The following UBE2E2 variants were observed in gnomAD, a reference collection of about 807,000 sequenced individuals.
UBE2E2 encodes the protein ubiquitin-conjugating enzyme E2 E2.
UBE2E2 carries 6 observed loss-of-function variants against 24.7 expected under a neutral mutation model. The ratio of observed to expected loss-of-function variants is 0.24; its 90% CI spans 0.13 to 0.48. The LOEUF (loss-of-function observed/expected upper bound fraction) is 0.48. Among genes scored for constraint, UBE2E2 ranks in the 20% least tolerant of loss-of-function variants. The probability of loss-of-function intolerance (pLI) is 0.99; values close to 1 mark genes in which losing one functional copy is unlikely to be tolerated. For missense variants in UBE2E2, 169 were observed against 245.0 expected, an observed-to-expected ratio of 0.69 and a Z score of 2.07; for synonymous variants, 104 against 83.6, an observed-to-expected ratio of 1.24 and a Z score of -1.33.
chr3:23,383,816 A>G (rs911294600), intron 3 of UBE2E2, among the ~76,000 whole-genome samples: 2 of 151,486 alleles, frequency 1.3e-5, no homozygotes, highest in Non-Finnish European at 2.9e-5. Flanking sequence ...ATTCTTTGTT[A>G]TTGTACCAAT....
chr3:23,464,732 T>A (rs1294290940), intron 3 of UBE2E2, among the ~76,000 whole-genome samples: 1 of 152,214 alleles, frequency 6.6e-6, no homozygotes, highest in African/African-American at 2.4e-5. Flanking sequence ...AATTATGGGA[T>A]AATTAAATAA....
At chr3:23,537,110 G>A (rs897649389) in intron 5 of UBE2E2, among the ~76,000 whole-genome samples, 37 of 152,280 alleles carry the variant, frequency 2.4e-4, no homozygotes, top group South Asian at 6.2e-4. Context: ...TAAGTGGTAC[G>A]TGATTTGGCT....
At chr3:23,450,653 AT>A (rs1698544470) in intron 3 of UBE2E2, among the ~76,000 whole-genome samples, 1 of 152,198 alleles carries the variant, frequency 6.6e-6, no homozygotes, top group Non-Finnish European at 1.5e-5. Context: ...AAGAAAATTT[AT>A]TTAATTTTAA....
chr3:23,366,108 A>C (rs923770326), intron 3 of UBE2E2, among the ~76,000 whole-genome samples: 2 of 152,208 alleles, frequency 1.3e-5, no homozygotes, highest in Non-Finnish European at 2.9e-5. Context: ...TCAAAACCAC[A>C]GTGAGATACC....
At chr3:23,298,245 T>G (rs1397053323) in intron 3 of UBE2E2, among the ~76,000 whole-genome samples, 1 of 152,188 alleles carries the variant, frequency 6.6e-6, no homozygotes, top group Non-Finnish European at 1.5e-5. Flanking sequence ...AGGGACAATT[T>G]GACTTCCTCT....
chr3:23,534,930 C>G (rs567530882), intron 5 of UBE2E2, among the ~76,000 whole-genome samples: 1 of 152,290 alleles, frequency 6.6e-6, no homozygotes, highest in African/African-American at 2.4e-5. Flanking sequence ...TTAAAAAATA[C>G]TTTCTCACTC....
At position 23,446,670 on chromosome 3, in the gene UBE2E2, G is replaced by A. The variant is rs139298476; in HGVS notation, c.228-52938G>A. Among the ~76,000 whole-genome samples, 331 of 144,784 alleles carry A rather than the reference G, an allele frequency of 2.3e-3. 3 individuals are homozygous for A. The highest frequency in any genetic ancestry group is 8.2e-3 in the African/African-American group (315 of 38,630). The allele number at this position is 144,784 out of a possible 152,430, so 95.0% of individuals were successfully genotyped here. ...CTACTGGGGATTCTACCAGTTTAAG[G>A]TTACAGTTATTCATTATCCGTCTGT... On this transcript the variant is annotated intron_variant, in intron 3 of 5. Coordinates refer to ENST00000396703, the MANE Select transcript of UBE2E2 (RefSeq NM_152653.4).
intron 3 of UBE2E2, among the ~76,000 whole-genome samples, chr3:23,462,656 A>C (rs778474): frequency 0.02 from 3,056 of 152,284 alleles, 34 homozygotes; most frequent in Non-Finnish European, 0.032. Context: ...GGCTGAAGAA[A>C]GGACCAGACC....
intron 3 of UBE2E2, among the ~76,000 whole-genome samples, chr3:23,344,021 A>G (rs1160253170): frequency 6.6e-6 from 1 of 152,216 alleles, no homozygotes; most frequent in African/African-American, 2.4e-5. Context: ...AAAACCAGAA[A>G]TATCAACTAA....
At chr3:23,444,816 A>G (rs1318779017) in intron 3 of UBE2E2, among the ~76,000 whole-genome samples, 1 of 152,206 alleles carries the variant, frequency 6.6e-6, no homozygotes, top group Admixed American at 6.5e-5. Flanking sequence ...TTTAGTTATA[A>G]GATGGGTACT....
intron 3 of UBE2E2, among the ~76,000 whole-genome samples, chr3:23,459,500 CATA>C (rs1698761178): frequency 6.6e-6 from 1 of 152,122 alleles, no homozygotes; most frequent in Non-Finnish European, 1.5e-5. Context: ...GTAACAGGAC[CATA>C]ATGTTTTTAC....
At chr3:23,455,401 A>G (rs980844661) in intron 3 of UBE2E2, among the ~76,000 whole-genome samples, 1 of 152,196 alleles carries the variant, frequency 6.6e-6, no homozygotes, top group Non-Finnish European at 1.5e-5. Flanking sequence ...TCTAAAGAGG[A>G]CAATGCATAT....
At chr3:23,526,473 A>G (rs1055858866) in intron 4 of UBE2E2, among the ~76,000 whole-genome samples, 1 of 152,212 alleles carries the variant, frequency 6.6e-6, no homozygotes, top group Non-Finnish European at 1.5e-5. Flanking sequence ...TTTGTTCAAC[A>G]AACAGTGGGC....
chr3:23,210,218 G>T (rs560860734), intron 2 of UBE2E2, among the ~76,000 whole-genome samples: 1 of 152,172 alleles, frequency 6.6e-6, no homozygotes, highest in Admixed American at 6.5e-5. Context: ...GTAGTTCCAC[G>T]CAGATGAGGA....
At chr3:23,485,871 A>T (rs1298347710) in intron 3 of UBE2E2, among the ~76,000 whole-genome samples, 1 of 152,216 alleles carries the variant, frequency 6.6e-6, no homozygotes, top group African/African-American at 2.4e-5. Flanking sequence ...GCCTTTAAAG[A>T]GAAACTCTTA....
chr3:23,442,592 GTGT>G (rs1305573004), intron 3 of UBE2E2, among the ~76,000 whole-genome samples: 3 of 152,194 alleles, frequency 2.0e-5, no homozygotes, highest in Admixed American at 6.5e-5. Flanking sequence ...TGAGCTTTCT[GTGT>G]TGTTTTCTAT....
At chr3:23,475,605 G>A (rs1227467262) in intron 3 of UBE2E2, among the ~76,000 whole-genome samples, 3 of 151,974 alleles carry the variant, frequency 2.0e-5, no homozygotes, top group African/African-American at 7.3e-5. Flanking sequence ...AAACTCAGAA[G>A]GAGCCAAGAA....
chr3:23,388,094 T>C (rs35218978), intron 3 of UBE2E2, among the ~76,000 whole-genome samples: 9,589 of 152,248 alleles, frequency 0.063, 461 homozygotes, highest in Non-Finnish European at 0.088. Flanking sequence ...AATTCTCAGC[T>C]ACCTAAGAAA....
At position 23,348,182 on chromosome 3, in the gene UBE2E2, A is replaced by G. The variant is rs149298472; in HGVS notation, c.227+130870A>G. On this transcript the variant is annotated intron_variant, in intron 3 of 5. Transcript: ENST00000396703. ...ACTATATCTCAATGTGAAAACTCCAATGAACCAGTCACTATGTTCAATTGA... is the reference window on the plus strand; with the variant it reads ...ACTATATCTCAATGTGAAAACTCCAGTGAACCAGTCACTATGTTCAATTGA... 1.8e-4 allele frequency among the ~76,000 whole-genome samples: 28 copies of G among 152,278 alleles called. No homozygotes were observed. The East Asian group carries it at 4.8e-3, about 26-fold the overall frequency.
Sources: allele counts gnomAD v4.1 joint callset (sites outside exome capture counted in the v4.1 genomes callset), GRCh38; gene constraint gnomAD v4.1.1; transcripts MANE v1.5; gene names NCBI Gene and HGNC (gene_info 2026-07-23, HGNC 2026-07-21).